The following ATP2B3 variants were observed in gnomAD, a reference collection of about 807,000 sequenced individuals.
ATP2B3 encodes the protein ATPase plasma membrane Ca2+ transporting 3.
In ATP2B3, 12 loss-of-function variants were observed where a neutral mutation model predicts 70.8. The ratio of observed to expected loss-of-function variants is 0.17; its 90% confidence interval spans 0.11 to 0.27. The LOEUF is 0.27. ATP2B3 is among the 10% of genes least tolerant of loss of function. The pLI, the probability that ATP2B3 is intolerant of heterozygous loss-of-function variation, is 1.00. For synonymous variants in ATP2B3, 460 were observed against 497.8 expected (o/e 0.92, Z 1.01); for missense variants, 858 against 1,118.5 (o/e 0.77, Z 3.32).
intron 21 of ATP2B3, 117 bp downstream of exon 21, chrX:153,565,220 G>A: frequency 1.1e-6 from 1 of 939,677 alleles, no homozygotes; most frequent in Non-Finnish European, 1.4e-6. Flanking sequence ...AAACCCTTTG[G>A]TCTTGCTGCC....
intron 7 of ATP2B3, among the ~76,000 whole-genome samples, chrX:153,544,770 C>T (rs1358654673): frequency 8.9e-6 from 1 of 112,560 alleles, no homozygotes; most frequent in Non-Finnish European, 1.9e-5. Context: ...GTGTGCTTCT[C>T]CTCCTCACCT....
intron 3 of ATP2B3, among the ~76,000 whole-genome samples, chrX:153,540,279 C>T (rs923715981): frequency 2.7e-5 from 3 of 112,237 alleles, no homozygotes; most frequent in East Asian, 5.6e-4. Flanking sequence ...CCGACCCCTG[C>T]GAGGCCATGC....
In ATP2B3 at chrX:153,542,054, G is replaced by A. The variant is rs868976642; in HGVS notation, c.664+128G>A. On this transcript the variant is annotated intron_variant, in intron 5 of 21. Coordinates refer to ENST00000263519, the MANE Select transcript of ATP2B3 (RefSeq NM_001001344.3). ...CTGCGTGTCGTCACCTGCCTTAGGA[G>A]GCGGGAGGTGGCGGGGGTGGGGGAG... The A allele has an allele frequency of 1.4e-5, 9 of 635,350 alleles. No individual in the cohort carries two copies. The South Asian group carries it at 2.0e-4, about 14-fold the overall frequency. The allele number at this position is 635,350 out of a possible 1,213,427, so 52.4% of individuals were successfully genotyped here.
chrX:153,553,319 C>A (rs375079619), intron 13 of ATP2B3, 50 bp downstream of exon 13: 2 of 1,091,236 alleles, frequency 1.8e-6, no homozygotes, highest in African/African-American at 1.8e-5. Context: ...GCCCTCTGCC[C>A]GAGCTTGTCC....
At chrX:153,542,761 T>A (rs73629310) in intron 6 of ATP2B3, among the ~76,000 whole-genome samples, 6,793 of 112,493 alleles carry the variant, frequency 0.06, 343 homozygotes, top group African/African-American at 0.16. Context: ...CTCGACAATA[T>A]CCAGTGGGGG....
In ATP2B3 at chrX:153,550,198, G is replaced by T; in HGVS notation, c.1735G>T (p.Val579Phe). Residue 579 changes from valine (V) to phenylalanine (F), a missense_variant, in exon 12 of 22, where the codon GTC (valine) becomes TTC (phenylalanine). By Grantham distance (50) the Val-to-Phe change is conservative. Around this residue, in one of 5 missense-constraint regions of ATP2B3, gnomAD observed 242 missense variants for 281.3 expected, o/e 0.86. Transcript: ENST00000263519. Reference sequence around the variant, plus strand: ...TTACAAAGTGTACACCTTCAACTCGGTCCGCAAGTCCATGAGCACAGTCAT... The same window carrying T: ...TTACAAAGTGTACACCTTCAACTCGTTCCGCAAGTCCATGAGCACAGTCAT... The part of the protein sequence containing the change: ...KLYKVYTFNS[V>F]RKSMSTVIRM... 1 of 1,212,320 alleles carries T rather than the reference G, an allele frequency of 8.2e-7. No individual in the cohort carries two copies.
At chrX:153,564,224 G>C (rs1316999758) in intron 20 of ATP2B3, among the ~76,000 whole-genome samples, 3 of 112,978 alleles carry the variant, frequency 2.7e-5, no homozygotes, top group Admixed American at 9.2e-5. Context: ...TCCTCTCCCA[G>C]GGGAGTTGCG....
intron 17 of ATP2B3, among the ~76,000 whole-genome samples, chrX:153,558,879 C>T (rs1370425226): frequency 1.8e-5 from 2 of 111,513 alleles, no homozygotes; most frequent in African/African-American, 6.5e-5. Context: ...CCAGGAGCAT[C>T]TGTGTATGAG....
At chrX:153,549,886 G>T in intron 11 of ATP2B3, 147 bp downstream of exon 11, 1 of 1,069,624 alleles carries the variant, frequency 9.3e-7, no homozygotes, top group Non-Finnish European at 1.2e-6. Flanking sequence ...GGTGGCTCTG[G>T]CTGGGAAACT....
At chrX:153,570,720 C>T (rs1254205774) in intron 21 of ATP2B3, among the ~76,000 whole-genome samples, 1 of 111,443 alleles carries the variant, frequency 9.0e-6, no homozygotes, top group East Asian at 2.8e-4. Context: ...TCTATGCTAC[C>T]TCTTTCCTTT....
intron 2 of ATP2B3, among the ~76,000 whole-genome samples, chrX:153,528,829 A>T (rs782640945): frequency 1.1e-4 from 12 of 112,366 alleles, no homozygotes; most frequent in Middle Eastern, 4.7e-3. Context: ...GCAGAGGAGA[A>T]CACATTCCTT....
intron 9 of ATP2B3, among the ~76,000 whole-genome samples, chrX:153,548,317 C>G (rs2124442072): frequency 8.9e-6 from 1 of 111,887 alleles, no homozygotes; most frequent in African/African-American, 3.2e-5. Context: ...GCATGCAGGG[C>G]TGGTACCCCA....
chrX:153,565,198 A>C, intron 21 of ATP2B3, 95 bp downstream of exon 21: 1 of 1,018,514 alleles, frequency 9.8e-7, no homozygotes, highest in Non-Finnish European at 1.3e-6. Context: ...TCTGCACCCG[A>C]CACCCACAGG....
At chrX:153,535,196 C>T (rs2090173139) in intron 2 of ATP2B3, among the ~76,000 whole-genome samples, 3 of 112,806 alleles carry the variant, frequency 2.7e-5, no homozygotes, top group Admixed American at 9.3e-5. Context: ...GGTAAGGTGA[C>T]GGGGACAGGG....
intron 21 of ATP2B3, among the ~76,000 whole-genome samples, chrX:153,578,230 C>T (rs2090880321): frequency 8.9e-6 from 1 of 112,541 alleles, no homozygotes; most frequent in African/African-American, 3.2e-5. Flanking sequence ...ACCCAGAAAA[C>T]CAAATCCTAG....
Position 153,558,243 on chromosome X carries a change from T to C in ATP2B3, c.2565T>C (p.Phe855=). 8.3e-7 allele frequency: 1 copy of C among 1,211,963 alleles called. No individual in the cohort carries two copies. The highest frequency in any genetic ancestry group is 1.1e-6 in the Non-Finnish European group (1 of 895,500). The change falls in exon 17 of 22, where the codon TTT becomes TTC. Residue 855 remains phenylalanine, a synonymous_variant. Coordinates refer to ENST00000263519, the MANE Select transcript of ATP2B3 (RefSeq NM_001001344.3). ...ACAGCATCTCCAAGTTCCTGCAGTT[T>C]CAACTGACGGTCAATGTGGTGGCTG... ...VYDSISKFLQ[F]QLTVNVVAVI...
chrX:153,573,387 G>T (rs1391899364), intron 21 of ATP2B3, among the ~76,000 whole-genome samples: 5 of 112,356 alleles, frequency 4.5e-5, no homozygotes, highest in African/African-American at 1.3e-4. Flanking sequence ...TCTCAGGAAG[G>T]TCATGTGCTT....
At chrX:153,573,625 G>A (rs1469546011) in intron 21 of ATP2B3, among the ~76,000 whole-genome samples, 1 of 112,502 alleles carries the variant, frequency 8.9e-6, no homozygotes, top group Non-Finnish European at 1.9e-5. Context: ...CAGGACCCCT[G>A]GTCCAAGGCC....
At chrX:153,545,041 A>G (rs2124426492) in intron 7 of ATP2B3, among the ~76,000 whole-genome samples, 1 of 112,331 alleles carries the variant, frequency 8.9e-6, no homozygotes, top group Admixed American at 9.3e-5. Context: ...GCCCACAGGA[A>G]CCCTGGGCGG....
Sources: gnomAD v4.1 joint callset for allele counts (sites outside exome capture counted in the v4.1 genomes callset) on GRCh38, gnomAD v4.1.1 for gene constraint, gnomAD v4.1.1 regional missense constraint, MANE v1.5 for transcripts, NCBI Gene and HGNC (gene_info 2026-07-23, HGNC 2026-07-21) for gene names.